Variants in GGTA1 observed in about 807,000 individuals in gnomAD.
The protein encoded by GGTA1 is glycoprotein alpha-galactosyltransferase 1 (inactive), also known as inactive N-acetyllactosaminide alpha-1,3-galactosyltransferase.
Under a neutral mutation model 2.6 loss-of-function variants are expected in GGTA1, and 5 were observed. The observed-to-expected ratio is 1.92, with a 90% confidence interval of 1.00 to 4.04. The LOEUF (loss-of-function observed/expected upper bound fraction) is 4.04. Among genes scored for constraint, GGTA1 ranks in the 30% most tolerant of loss-of-function variants. The probability of loss-of-function intolerance (pLI) is 0.00; values close to 1 mark genes in which losing one functional copy is unlikely to be tolerated. For synonymous variants in GGTA1, 17 were observed against 5.0 expected (o/e 3.38, Z -3.19); for missense variants, 50 against 16.7 (o/e 2.99, Z -3.47).
At chr9:121,464,324 G>GTTTTTTTTT in intron 2 of GGTA1, among the ~76,000 whole-genome samples, 1 of 111,876 alleles carries the variant, frequency 8.9e-6, no homozygotes, top group Middle Eastern at 6.0e-3. Flanking sequence ...CCTCCTTGAG[G>GTTTTTTTTT]TTTTTTTTTT....
At chr9:121,450,873 C>T (rs12551307), downstream of GGTA1, among the ~76,000 whole-genome samples, 10,891 of 152,220 alleles carry the variant, frequency 0.072, 436 homozygotes, top group Middle Eastern at 0.092. Context: ...TTGTTAATGA[C>T]GGAACAGTAA....
intron 1 of GGTA1, among the ~76,000 whole-genome samples, chr9:121,486,736 C>G (rs1043104345): frequency 1.3e-5 from 2 of 152,178 alleles, no homozygotes; most frequent in Admixed American, 6.5e-5. Flanking sequence ...GATAACAATC[C>G]CTACCACCTG....
chr9:121,480,061 C>CTTTTCTTTTCTTTTT (rs58602847), intron 1 of GGTA1, among the ~76,000 whole-genome samples: 7,199 of 139,428 alleles, frequency 0.052, 262 homozygotes, highest in East Asian at 0.1. Context: ...CTTTTCTTTT[C>CTTTTCTTTTCTTTTT]TTTTTTTTTT....
chr9:121,470,129 C>T (rs1828357634), intron 1 of GGTA1, among the ~76,000 whole-genome samples: 1 of 152,222 alleles, frequency 6.6e-6, no homozygotes. Flanking sequence ...TGAGCTTTTC[C>T]TGTGTCTCCT....
In GGTA1 at chr9:121,495,824, G is replaced by A. The variant is rs141426879; in HGVS notation, c.-10+3826C>T. 7.7e-3 allele frequency among the ~76,000 whole-genome samples: 1,167 copies of A among 152,302 alleles called. 4 individuals are homozygous for A. Among genetic ancestry groups the A allele is most frequent in the Middle Eastern group, 0.034 (10 of 294 alleles). On this transcript the variant is annotated intron_variant, in intron 1 of 5. Transcript: ENST00000481799. Reference sequence around the variant, plus strand: ...ATCATTCATACAGTGACCCGTGATGGAAAGCCACCATAAGATAATTCTAGC... The same window carrying A: ...ATCATTCATACAGTGACCCGTGATGAAAAGCCACCATAAGATAATTCTAGC...
intron 2 of GGTA1, 96 bp downstream of exon 2, chr9:121,467,747 C>T (rs1319001638): frequency 2.5e-6 from 1 of 392,512 alleles, no homozygotes; most frequent in Non-Finnish European, 5.1e-6. Flanking sequence ...TTAGTTAATC[C>T]TAATTTCAAT....
chr9:121,453,380 A>G (rs1475397389), downstream of GGTA1, among the ~76,000 whole-genome samples: 2 of 152,262 alleles, frequency 1.3e-5, no homozygotes, highest in African/African-American at 2.4e-5. Context: ...ACAGGAAGCT[A>G]TAACAAAGCA....
At chr9:121,479,613 A>G (rs1828593649) in intron 1 of GGTA1, among the ~76,000 whole-genome samples, 1 of 152,132 alleles carries the variant, frequency 6.6e-6, no homozygotes, top group African/African-American at 2.4e-5. Flanking sequence ...ATCACACACT[A>G]CTGGATAAAA....
At chr9:121,475,515 C>T (rs1180139463) in intron 1 of GGTA1, among the ~76,000 whole-genome samples, 1 of 152,126 alleles carries the variant, frequency 6.6e-6, no homozygotes, top group Non-Finnish European at 1.5e-5. Context: ...TGGATCCAGA[C>T]CCCCTTCCTG....
intron 7 of GGTA1, among the ~76,000 whole-genome samples, chr9:121,448,191 C>G (rs968856132): frequency 6.6e-5 from 10 of 152,100 alleles, no homozygotes; most frequent in African/African-American, 2.4e-4. Context: ...TCCAATTTAC[C>G]AATTGGTTCA....
At chr9:121,495,011 A>C (rs548963820) in intron 1 of GGTA1, among the ~76,000 whole-genome samples, 106 of 133,500 alleles carry the variant, frequency 7.9e-4, no homozygotes, top group African/African-American at 2.9e-3. Flanking sequence ...TGCAATCTCC[A>C]CCTCCCGGGT....
Position 121,468,590 on chromosome 9 carries a change from G to A in GGTA1, c.-9-659C>T, listed in dbSNP as rs191101802. On this transcript the variant is annotated intron_variant, in intron 1 of 5. Coordinates refer to ENST00000481799, the MANE Select transcript of GGTA1 (RefSeq NM_001382585.1). ...TCTGGTTCTAGATCCCTGAGGAATC[G>A]CCACACTGTCTTCCACAATGGTTGA... 6.6e-5 allele frequency among the ~76,000 whole-genome samples: 10 copies of A among 152,260 alleles called. No homozygotes were observed. The East Asian group carries it at 1.4e-3, about 21-fold the overall frequency.
downstream of GGTA1, chr9:121,451,952 A>G (rs1589325409): frequency 6.6e-6 from 1 of 152,176 alleles, no homozygotes; most frequent in African/African-American, 2.4e-5. Context: ...GAGTGGACTT[A>G]CCTACTATTA....
chr9:121,465,083 A>T (rs1443990171), intron 2 of GGTA1, among the ~76,000 whole-genome samples: 2 of 151,744 alleles, frequency 1.3e-5, no homozygotes, highest in Non-Finnish European at 2.9e-5. Flanking sequence ...ACATCAGAGG[A>T]TGTTGTGGCC....
intron 1 of GGTA1, among the ~76,000 whole-genome samples, chr9:121,482,479 A>T (rs1235721692): frequency 6.6e-6 from 1 of 151,770 alleles, no homozygotes; most frequent in Non-Finnish European, 1.5e-5. Flanking sequence ...AAAAATAATT[A>T]AAAAATCGGC....
At chr9:121,477,550 C>G in intron 1 of GGTA1, among the ~76,000 whole-genome samples, 1 of 149,054 alleles carries the variant, frequency 6.7e-6, no homozygotes, top group Non-Finnish European at 1.5e-5. Context: ...ACTTTCATAC[C>G]TAACATTGCA....
chr9:121,451,077 A>G (rs1033739579), downstream of GGTA1, among the ~76,000 whole-genome samples: 4 of 150,980 alleles, frequency 2.6e-5, no homozygotes, highest in Admixed American at 1.3e-4. Context: ...CAGAGGGCAG[A>G]AAAAAAAATA....
chr9:121,461,827 A>G (rs1355123191), intron 3 of GGTA1, among the ~76,000 whole-genome samples: 1 of 152,236 alleles, frequency 6.6e-6, no homozygotes, highest in African/African-American at 2.4e-5. Context: ...AAACCGATGC[A>G]TGTTTCCATG....
At chr9:121,451,076 G>GA (rs199768062), downstream of GGTA1, among the ~76,000 whole-genome samples, 321 of 144,306 alleles carry the variant, frequency 2.2e-3, no homozygotes, top group African/African-American at 7.4e-3. Context: ...CCAGAGGGCA[G>GA]AAAAAAAAAT....
Sources: gnomAD v4.1 joint callset for allele counts (sites outside exome capture counted in the v4.1 genomes callset) on GRCh38, gnomAD v4.1.1 for gene constraint, MANE v1.5 for transcripts, NCBI Gene and HGNC (gene_info 2026-07-23, HGNC 2026-07-21) for gene names.